The following SMIM27 variants were observed in gnomAD, a reference collection of about 807,000 sequenced individuals.
SMIM27 encodes the protein TOPORS antisense RNA 1 (non-protein coding).
In SMIM27, 3 loss-of-function variants were observed where a neutral mutation model predicts 1.8. That is an observed-to-expected ratio of 1.65 (90% CI 0.75 to 4.28). The LOEUF is 4.28. Ranked by LOEUF, SMIM27 falls within the 30% of genes most tolerant of loss-of-function variation. The probability of loss-of-function intolerance (pLI) is 0.02; values close to 1 mark genes in which losing one functional copy is unlikely to be tolerated. For missense variants in SMIM27, 63 were observed against 37.0 expected (o/e 1.70, Z -1.83); for synonymous variants, 19 against 13.9 (o/e 1.37, Z -0.82).
At position 32,552,501 on chromosome 9, in the gene SMIM27, C is replaced by T. The variant is rs560145696; in HGVS notation, c.45+22C>T. On this transcript the variant is annotated intron_variant, in intron 1 of 1. Coordinates refer to ENST00000692500, the MANE Select transcript of SMIM27 (RefSeq NM_001387564.1). ...AGTGGTAAGTCCCGGGGATCGCGGG[C>T]CCCCACCGTGTCGACTCACTGGGCC... The T allele has an allele frequency of 7.6e-5, 120 of 1,572,034 alleles. No homozygotes were observed. In the African/African-American group the frequency reaches 1.1e-3, roughly 15 times the overall value.
At chr9:32,564,345 T>C (rs1022017185) in intron 1 of SMIM27, among the ~76,000 whole-genome samples, 1 of 152,190 alleles carries the variant, frequency 6.6e-6, no homozygotes, top group Non-Finnish European at 1.5e-5. Flanking sequence ...CCTTACTTTA[T>C]TGCACTTTGC....
intron 1 of SMIM27, among the ~76,000 whole-genome samples, chr9:32,560,456 TA>T (rs547129629): frequency 4.9e-4 from 74 of 152,336 alleles, no homozygotes; most frequent in African/African-American, 1.7e-3. Flanking sequence ...AGAGTATAAA[TA>T]AGTGAATGTG....
At chr9:32,553,582 AGT>A (rs796438010), downstream of SMIM27, 163 of 306,190 alleles carry the variant, frequency 5.3e-4, no homozygotes, top group African/African-American at 3.3e-3. Context: ...ATACCAAATT[AGT>A]GTAAGTACTG....
At chr9:32,566,044 T>A in intron 1 of SMIM27, 1 of 359,946 alleles carries the variant, frequency 2.8e-6, no homozygotes, top group Non-Finnish European at 5.1e-6. Flanking sequence ...TTTTTTAAGG[T>A]TTTTTCCAGG....
At chr9:32,555,501 G>T (rs1056982436), downstream of SMIM27, among the ~76,000 whole-genome samples, 4 of 152,224 alleles carry the variant, frequency 2.6e-5, no homozygotes, top group African/African-American at 9.6e-5. Flanking sequence ...AGACAAGCTG[G>T]TAACTGTGTA....
chr9:32,566,502 C>T (rs1196566395), exon 2 of SMIM27: 18 of 779,198 alleles, frequency 2.3e-5, no homozygotes, highest in Middle Eastern at 2.3e-4. Context: ...ACTAGCCTTC[C>T]GGTGTGCAGA....
intron 1 of SMIM27, among the ~76,000 whole-genome samples, chr9:32,561,076 A>G (rs577046946): frequency 2.0e-5 from 3 of 152,360 alleles, no homozygotes; most frequent in East Asian, 1.9e-4. Flanking sequence ...TTTTATGAAC[A>G]TAAACTTTTT....
At chr9:32,551,467 A>C, upstream of SMIM27, 1 of 270,678 alleles carries the variant, frequency 3.7e-6, no homozygotes, top group Non-Finnish European at 7.5e-6. Flanking sequence ...GATCCCCTCC[A>C]GGCTGGGGAG....
chr9:32,563,889 T>C (rs1366649977), intron 1 of SMIM27, among the ~76,000 whole-genome samples: 1 of 152,218 alleles, frequency 6.6e-6, no homozygotes, highest in African/African-American at 2.4e-5. Context: ...TCTGTGTCCT[T>C]TGAAATATGT....
rs79287371 is a variant in SMIM27 at position 32,563,373 on chromosome 9, T to G, written c.46-3018T>G. 1.9e-4 allele frequency among the ~76,000 whole-genome samples: 29 copies of G among 152,120 alleles called. No homozygotes were observed. The East Asian group carries it at 5.0e-3, about 26-fold the overall frequency. On this transcript the variant is annotated intron_variant, in intron 1 of 1. Transcript: ENST00000451672. ...TTTGATTCAGATGGGAGTCTCACTATGTCACCCAGGATGGCTGGAGTACAG... is the reference window on the plus strand; with the variant it reads ...TTTGATTCAGATGGGAGTCTCACTAGGTCACCCAGGATGGCTGGAGTACAG...
chr9:32,559,546 A>G (rs1197023831), intron 1 of SMIM27, among the ~76,000 whole-genome samples: 1 of 152,166 alleles, frequency 6.6e-6, no homozygotes, highest in Non-Finnish European at 1.5e-5. Flanking sequence ...CTCCATTCCT[A>G]GGAGTCCAAT....
At chr9:32,555,860 C>T (rs1056701896), downstream of SMIM27, among the ~76,000 whole-genome samples, 2 of 152,226 alleles carry the variant, frequency 1.3e-5, no homozygotes, top group Admixed American at 1.3e-4. Flanking sequence ...AAAACAAAAT[C>T]AGTGCCCATT....
At chr9:32,551,628 C>A, upstream of SMIM27, 2 of 266,282 alleles carry the variant, frequency 7.5e-6, no homozygotes, top group South Asian at 6.6e-5. Context: ...CCTAAGCGGC[C>A]CGTTGCCAGA....
At chr9:32,558,891 C>A in intron 1 of SMIM27, 4 of 1,487,296 alleles carry the variant, frequency 2.7e-6, no homozygotes, top group Non-Finnish European at 3.7e-6. Context: ...AAAGAAAAAT[C>A]AGAAGTGTTA....
intron 1 of SMIM27, among the ~76,000 whole-genome samples, chr9:32,560,677 T>G (rs1821599989): frequency 6.6e-6 from 1 of 152,198 alleles, no homozygotes; most frequent in Non-Finnish European, 1.5e-5. Flanking sequence ...GAAATAAAAT[T>G]GAACACACAA....
intron 1 of SMIM27, 83 bp from the exon 2 acceptor site, chr9:32,552,718 C>T: frequency 1.5e-6 from 1 of 672,554 alleles, no homozygotes; most frequent in South Asian, 1.6e-5. Flanking sequence ...TAATTCCCAC[C>T]TTAGCAATGG....
At chr9:32,553,944 C>A (rs751630084), downstream of SMIM27, 28 of 1,579,894 alleles carry the variant, frequency 1.8e-5, 1 homozygote, top group South Asian at 3.0e-4. Context: ...ATTGTATCAC[C>A]CTAGGAAAAC....
chr9:32,558,987 G>C, intron 1 of SMIM27: 1 of 1,462,066 alleles, frequency 6.8e-7, no homozygotes, highest in Non-Finnish European at 9.4e-7. Flanking sequence ...GTTAATTATG[G>C]TGTTAAGAGT....
chr9:32,556,056 AT>A (rs1266400871), downstream of SMIM27, among the ~76,000 whole-genome samples: 1 of 150,228 alleles, frequency 6.7e-6, no homozygotes, highest in Non-Finnish European at 1.5e-5. Context: ...CTGACATACT[AT>A]TTTACATCAT....
Sources: gnomAD v4.1 joint callset for allele counts (sites outside exome capture counted in the v4.1 genomes callset) on GRCh38, gnomAD v4.1.1 for gene constraint, MANE v1.5 for transcripts, NCBI Gene and HGNC (gene_info 2026-07-23, HGNC 2026-07-21) for gene names.